CNTN4: variants seen among roughly 807,000 people sequenced by gnomAD.
CNTN4 encodes the protein contactin-4.
Under a neutral mutation model 122.5 loss-of-function variants are expected in CNTN4, and 77 were observed. That is an observed-to-expected ratio of 0.63 (90% CI 0.52 to 0.76). CNTN4 has a LOEUF of 0.76. Among genes scored for constraint, CNTN4 ranks in the 30% least tolerant of loss-of-function variants. The probability of loss-of-function intolerance (pLI) is 0.00; values close to 1 mark genes in which losing one functional copy is unlikely to be tolerated. For missense variants in CNTN4, 1,256 were observed against 1,259.1 expected, an observed-to-expected ratio of 1.00 and a Z score of 0.04; for synonymous variants, 512 against 447.0, an observed-to-expected ratio of 1.15 and a Z score of -1.83.
chr3:2,404,031 T>C (rs1028113359), intron 3 of CNTN4, among the ~76,000 whole-genome samples: 6 of 152,196 alleles, frequency 3.9e-5, no homozygotes, highest in East Asian at 1.9e-4. Flanking sequence ...ATTTCTATTA[T>C]CTATCCACAG....
chr3:2,267,619 G>A (rs1167948458), intron 2 of CNTN4, among the ~76,000 whole-genome samples: 1 of 151,944 alleles, frequency 6.6e-6, no homozygotes, highest in Admixed American at 6.6e-5. Context: ...TGGATGGAAC[G>A]ATATCTTCTA....
In CNTN4 at chr3:2,256,595, G is replaced by A. The variant is rs572387116; in HGVS notation, c.-144-82583G>A. On this transcript the variant is annotated intron_variant, in intron 2 of 24. Coordinates refer to ENST00000418658, the MANE Select transcript of CNTN4 (RefSeq NM_175607.3). ...GCACATCAAAAATCTTATCCACCAT[G>A]ATCAAGTCATCTTCATCACTGGGAT... Among the ~76,000 whole-genome samples, 8 of 152,264 alleles carry A rather than the reference G, an allele frequency of 5.3e-5. No individual in the cohort carries two copies. In the South Asian group the frequency reaches 1.7e-3, roughly 32 times the overall value.
chr3:3,052,412 C>G (rs1363982100), intron 23 of CNTN4, among the ~76,000 whole-genome samples: 2 of 151,968 alleles, frequency 1.3e-5, no homozygotes, highest in East Asian at 3.9e-4. Context: ...CCCTGCCCCT[C>G]CCACCCTGTT....
chr3:2,305,791 T>G (rs2042680499), intron 2 of CNTN4, among the ~76,000 whole-genome samples: 1 of 152,166 alleles, frequency 6.6e-6, no homozygotes, highest in Non-Finnish European at 1.5e-5. Context: ...CCACTCCATA[T>G]TTACCTGTCC....
intron 13 of CNTN4, among the ~76,000 whole-genome samples, chr3:2,935,683 CT>C (rs1217819080): frequency 2.6e-5 from 4 of 152,160 alleles, no homozygotes; most frequent in East Asian, 1.9e-4. Context: ...TTACCAGAGA[CT>C]TTTTTTTATC....
At chr3:2,919,704 C>A (rs536813263) in intron 12 of CNTN4, among the ~76,000 whole-genome samples, 2 of 152,206 alleles carry the variant, frequency 1.3e-5, no homozygotes, top group Admixed American at 1.3e-4. Context: ...GAAATATCAC[C>A]AATTTGGACT....
At chr3:2,669,377 A>T (rs1352179674) in intron 4 of CNTN4, among the ~76,000 whole-genome samples, 3 of 152,234 alleles carry the variant, frequency 2.0e-5, no homozygotes, top group Non-Finnish European at 2.9e-5. Flanking sequence ...GTGCATTTGC[A>T]TAGAGGTGTT....
intron 2 of CNTN4, among the ~76,000 whole-genome samples, chr3:2,214,415 G>A (rs554289863): frequency 1.3e-5 from 2 of 152,080 alleles, no homozygotes; most frequent in South Asian, 2.1e-4. Flanking sequence ...TCAGATTTCC[G>A]TGTATTTAAT....
intron 4 of CNTN4, among the ~76,000 whole-genome samples, chr3:2,607,267 A>G (rs1485658049): frequency 6.6e-6 from 1 of 152,186 alleles, no homozygotes. Flanking sequence ...GCTACCTACA[A>G]TCTAGCCATG....
At position 2,983,213 on chromosome 3, in the gene CNTN4, CAAAAAAAAAAAAAAAAAAAAAAAA is replaced by C. The variant is rs57079892; in HGVS notation, c.1359-5113_1359-5090del. 8.8e-3 allele frequency among the ~76,000 whole-genome samples: 168 copies of C among 19,020 alleles called. 2 individuals are homozygous for C. The highest frequency in any genetic ancestry group is 0.025 in the African/African-American group (152 of 6,144). 12.5% of individuals were successfully genotyped at this position (19,020 alleles called of 152,430 possible). On this transcript the variant is annotated intron_variant, in intron 13 of 24. Coordinates refer to ENST00000418658, the MANE Select transcript of CNTN4 (RefSeq NM_175607.3). ...TGGGTGACAGAGCGAGACTCCATCTCAAAAAAAAAAAAAAAAAAAAAAAAAAAAAAAAAAAAAAAAAAGCACAAA... is the reference window on the plus strand; with the variant it reads ...TGGGTGACAGAGCGAGACTCCATCTCAAAAAAAAAAAAAAAAAAGCACAAA...
chr3:2,120,049 TC>T (rs1312944103), intron 2 of CNTN4, among the ~76,000 whole-genome samples: 1 of 151,742 alleles, frequency 6.6e-6, no homozygotes, highest in East Asian at 2.0e-4. Context: ...GGAAGAAAGT[TC>T]CAGGCAACGA....
chr3:2,618,751 A>T (rs576580710), intron 4 of CNTN4, among the ~76,000 whole-genome samples: 1 of 152,194 alleles, frequency 6.6e-6, no homozygotes, highest in African/African-American at 2.4e-5. Context: ...ATTGTTTATC[A>T]TTAGTGAAAC....
intron 4 of CNTN4, among the ~76,000 whole-genome samples, chr3:2,601,540 G>A (rs1342609299): frequency 6.6e-6 from 1 of 152,036 alleles, no homozygotes; most frequent in Admixed American, 6.6e-5. Flanking sequence ...TGAGGGCTCT[G>A]TTCTGTTCTG....
intron 4 of CNTN4, among the ~76,000 whole-genome samples, chr3:2,675,621 A>G (rs1369338672): frequency 6.6e-6 from 1 of 152,218 alleles, no homozygotes; most frequent in African/African-American, 2.4e-5. Context: ...CAGCTCTTAG[A>G]AAAAGGTCTG....
intron 2 of CNTN4, among the ~76,000 whole-genome samples, chr3:2,171,005 A>G (rs963319751): frequency 6.6e-6 from 1 of 152,226 alleles, no homozygotes; most frequent in Non-Finnish European, 1.5e-5. Context: ...ACGAAAATAC[A>G]GAATGTTTCT....
At chr3:2,198,317 G>A (rs528526670) in intron 2 of CNTN4, among the ~76,000 whole-genome samples, 40 of 152,250 alleles carry the variant, frequency 2.6e-4, no homozygotes, top group African/African-American at 9.6e-4. Flanking sequence ...TGGATGATGA[G>A]TCGTTTTAAT....
chr3:2,535,121 G>A (rs1307332267), intron 3 of CNTN4, among the ~76,000 whole-genome samples: 4 of 152,090 alleles, frequency 2.6e-5, no homozygotes, highest in South Asian at 2.1e-4. Context: ...TTATTTAAAG[G>A]TAATTTTGTC....
chr3:2,128,681 G>A (rs931969510), intron 2 of CNTN4, among the ~76,000 whole-genome samples: 13 of 152,302 alleles, frequency 8.5e-5, no homozygotes, highest in Admixed American at 4.6e-4. Context: ...GCTTATGGTG[G>A]TGTAAATTCA....
At chr3:3,049,999 A>C (rs1309071379) in intron 23 of CNTN4, among the ~76,000 whole-genome samples, 2 of 152,220 alleles carry the variant, frequency 1.3e-5, no homozygotes, top group Non-Finnish European at 2.9e-5. Flanking sequence ...TAATATGAAC[A>C]GAAGTTTATT....
Sources: gnomAD v4.1 joint callset for allele counts (sites outside exome capture counted in the v4.1 genomes callset) on GRCh38, gnomAD v4.1.1 for gene constraint, MANE v1.5 for transcripts, NCBI Gene and HGNC (gene_info 2026-07-23, HGNC 2026-07-21) for gene names.